Variants in TBC1D5 observed in about 807,000 individuals in gnomAD.
TBC1D5 encodes the protein TBC1 domain family, member 5.
A neutral mutation model predicts 100.3 loss-of-function variants in TBC1D5; 75 were observed. The ratio of observed to expected loss-of-function variants is 0.75; its 90% confidence interval spans 0.62 to 0.91. The LOEUF (loss-of-function observed/expected upper bound fraction) is 0.91. TBC1D5 is among the 40% of genes least tolerant of loss of function. TBC1D5 has a pLI of 0.00. For synonymous variants in TBC1D5, 323 were observed against 325.6 expected (o/e 0.99, Z 0.09); for missense variants, 910 against 942.4 (o/e 0.97, Z 0.45).
At chr3:17,574,689 A>G (rs925492406) in intron 2 of TBC1D5, among the ~76,000 whole-genome samples, 2 of 152,138 alleles carry the variant, frequency 1.3e-5, no homozygotes, top group African/African-American at 4.8e-5. Flanking sequence ...CTCCGCAAGT[A>G]TAAGATTTCT....
chr3:17,726,186 T>C (rs993714474), intron 1 of TBC1D5, among the ~76,000 whole-genome samples: 3 of 152,206 alleles, frequency 2.0e-5, no homozygotes, highest in Non-Finnish European at 2.9e-5. Context: ...TACGTGTGCA[T>C]GTGTTTTTAT....
At chr3:17,387,133 T>C (rs2093183314) in intron 8 of TBC1D5, among the ~76,000 whole-genome samples, 1 of 152,078 alleles carries the variant, frequency 6.6e-6, no homozygotes. Flanking sequence ...ATAAGTAAGG[T>C]AGAAAGATAG....
At chr3:17,689,649 A>C (rs1397030626) in intron 1 of TBC1D5, among the ~76,000 whole-genome samples, 1 of 152,220 alleles carries the variant, frequency 6.6e-6, no homozygotes, top group Non-Finnish European at 1.5e-5. Context: ...GTAAAAAGTC[A>C]CATCAGGCAG....
chr3:17,376,744 T>C (rs1361691314), intron 9 of TBC1D5, 131 bp from the exon 10 acceptor site: 2 of 582,750 alleles, frequency 3.4e-6, no homozygotes, highest in Non-Finnish European at 5.6e-6. Context: ...TAGAAACACA[T>C]AAAAACGGAA....
intron 2 of TBC1D5, among the ~76,000 whole-genome samples, chr3:17,544,392 C>G (rs879455532): frequency 1.3e-5 from 2 of 152,162 alleles, no homozygotes; most frequent in African/African-American, 4.8e-5. Flanking sequence ...CTGGCTCACG[C>G]TTGTAATCCC....
At chr3:17,201,589 A>C (rs2071466795) in intron 18 of TBC1D5, among the ~76,000 whole-genome samples, 1 of 152,160 alleles carries the variant, frequency 6.6e-6, no homozygotes, top group South Asian at 2.1e-4. Flanking sequence ...TGTAATCCCC[A>C]GTGTTACAGC....
chr3:17,705,649 G>A (rs371835907), intron 1 of TBC1D5, among the ~76,000 whole-genome samples: 38 of 131,500 alleles, frequency 2.9e-4, no homozygotes, highest in African/African-American at 7.4e-4. Context: ...CTCAGACGAT[G>A]GGCGGCCGGG....
chr3:17,344,867 T>G (rs541396369), intron 13 of TBC1D5, among the ~76,000 whole-genome samples: 57 of 152,228 alleles, frequency 3.7e-4, no homozygotes, highest in East Asian at 1.9e-3. Context: ...TAGCCATATG[T>G]AGAAAGCTGA....
intron 21 of TBC1D5, among the ~76,000 whole-genome samples, chr3:17,163,494 C>G (rs2066290923): frequency 6.6e-6 from 1 of 152,166 alleles, no homozygotes; most frequent in Admixed American, 6.5e-5. Context: ...TAGGTCAATC[C>G]TCTCTTTTTA....
chr3:17,245,447 T>C (rs2076657672), intron 16 of TBC1D5, among the ~76,000 whole-genome samples: 1 of 148,748 alleles, frequency 6.7e-6, no homozygotes, highest in Admixed American at 6.6e-5. Flanking sequence ...TACTTACTCC[T>C]TTAGAGTTGA....
chr3:17,585,280 T>C (rs1463234717), intron 2 of TBC1D5, among the ~76,000 whole-genome samples: 4 of 152,204 alleles, frequency 2.6e-5, no homozygotes, highest in Non-Finnish European at 5.9e-5. Context: ...TCTAACTTGA[T>C]ATTCAGGATG....
intron 3 of TBC1D5, among the ~76,000 whole-genome samples, chr3:17,439,974 A>C (rs1488543542): frequency 1.3e-5 from 2 of 152,182 alleles, no homozygotes; most frequent in African/African-American, 4.8e-5. Flanking sequence ...CTTTGTCATA[A>C]ATTTAGATGT....
intron 3 of TBC1D5, among the ~76,000 whole-genome samples, chr3:17,486,241 C>T (rs2095566048): frequency 6.6e-6 from 1 of 151,990 alleles, no homozygotes; most frequent in Non-Finnish European, 1.5e-5. Context: ...GATATTAGCC[C>T]TTTGTCAGAT....
intron 1 of TBC1D5, among the ~76,000 whole-genome samples, chr3:17,642,498 A>G (rs2064617510): frequency 6.6e-6 from 1 of 152,134 alleles, no homozygotes; most frequent in Non-Finnish European, 1.5e-5. Flanking sequence ...CCCGATACCT[A>G]CTATTCACTC....
At chr3:17,568,120 T>G (rs1361807955) in intron 2 of TBC1D5, among the ~76,000 whole-genome samples, 3 of 151,616 alleles carry the variant, frequency 2.0e-5, no homozygotes, top group Non-Finnish European at 4.4e-5. Context: ...CTTTTTCATT[T>G]GTTTTTGAAT....
chr3:17,390,053 C>T (rs73156363), intron 8 of TBC1D5, among the ~76,000 whole-genome samples: 8,934 of 152,118 alleles, frequency 0.059, 509 homozygotes, highest in African/African-American at 0.15. Flanking sequence ...ATACTTACTG[C>T]AGACATTTGA....
At chr3:17,180,931 A>G (rs1000955580) in intron 19 of TBC1D5, among the ~76,000 whole-genome samples, 6 of 151,844 alleles carry the variant, frequency 4.0e-5, no homozygotes, top group African/African-American at 7.3e-5. Flanking sequence ...AAAAAAAAAA[A>G]AAAGAAAAGA....
chr3:17,353,818 A>G (rs780236060), intron 13 of TBC1D5, among the ~76,000 whole-genome samples: 3 of 152,096 alleles, frequency 2.0e-5, no homozygotes, highest in Non-Finnish European at 2.9e-5. Context: ...ATTAGCAGCA[A>G]GCTCCATTAT....
intron 13 of TBC1D5, among the ~76,000 whole-genome samples, chr3:17,343,706 G>A (rs2089387987): frequency 6.6e-6 from 1 of 152,120 alleles, no homozygotes; most frequent in African/African-American, 2.4e-5. Context: ...GAGAGTGTAT[G>A]TGTTGAGGAA....
Sources: allele counts gnomAD v4.1 joint callset (sites outside exome capture counted in the v4.1 genomes callset), GRCh38; gene constraint gnomAD v4.1.1; transcripts MANE v1.5; gene names NCBI Gene and HGNC (gene_info 2026-07-23, HGNC 2026-07-21).